The following SLIT2 variants were observed in gnomAD, a reference collection of about 807,000 sequenced individuals.
SLIT2 encodes the protein slit homolog 2 protein.
SLIT2 carries 41 observed loss-of-function variants against 185.7 expected under a neutral mutation model. The ratio of observed to expected loss-of-function variants is 0.22; its 90% confidence interval spans 0.17 to 0.29. SLIT2 has a LOEUF of 0.29. Ranked by LOEUF, SLIT2 falls within the 10% of genes least tolerant of loss-of-function variation. The pLI is 1.00. For synonymous variants in SLIT2, 693 were observed against 680.2 expected (o/e 1.02, Z -0.29); for missense variants, 1,571 against 1,909.0 (o/e 0.82, Z 3.30).
chr4:20,503,336 A>G (rs980498652), intron 9 of SLIT2, among the ~76,000 whole-genome samples: 1 of 152,182 alleles, frequency 6.6e-6, no homozygotes, highest in Non-Finnish European at 1.5e-5. Flanking sequence ...GATACGAAAG[A>G]TGATTTTTGT....
intron 9 of SLIT2, among the ~76,000 whole-genome samples, chr4:20,503,386 A>G (rs1190404968): frequency 3.3e-5 from 5 of 152,172 alleles, no homozygotes; most frequent in African/African-American, 1.2e-4. Context: ...CTGGAGAGTT[A>G]GCTCAGTGTC....
At chr4:20,399,496 G>A (rs1047238154) in intron 4 of SLIT2, among the ~76,000 whole-genome samples, 1 of 151,594 alleles carries the variant, frequency 6.6e-6, no homozygotes, top group Non-Finnish European at 1.5e-5. Context: ...TTTTAATTAC[G>A]TTAATATATG....
intron 4 of SLIT2, among the ~76,000 whole-genome samples, chr4:20,377,893 T>C (rs1193170691): frequency 6.6e-6 from 1 of 152,176 alleles, no homozygotes; most frequent in Non-Finnish European, 1.5e-5. Flanking sequence ...GCATAGTTTG[T>C]ACCATTATTT....
chr4:20,279,632 T>C (rs1351107226), intron 4 of SLIT2, among the ~76,000 whole-genome samples: 1 of 152,206 alleles, frequency 6.6e-6, no homozygotes, highest in Non-Finnish European at 1.5e-5. Flanking sequence ...CCTCAGTTTT[T>C]CCTTGTGTAA....
intron 4 of SLIT2, among the ~76,000 whole-genome samples, chr4:20,385,109 A>T (rs1724830399): frequency 6.6e-6 from 1 of 152,108 alleles, no homozygotes; most frequent in Admixed American, 6.6e-5. Flanking sequence ...AGTCACTGTG[A>T]TATAGAGGAC....
At chr4:20,399,321 G>A (rs1166600622) in intron 4 of SLIT2, among the ~76,000 whole-genome samples, 1 of 151,508 alleles carries the variant, frequency 6.6e-6, no homozygotes, top group Admixed American at 6.6e-5. Flanking sequence ...TACAATAAAA[G>A]TGCCTATACC....
At chr4:20,353,707 A>C (rs1466199536) in intron 4 of SLIT2, among the ~76,000 whole-genome samples, 1 of 152,226 alleles carries the variant, frequency 6.6e-6, no homozygotes, top group African/African-American at 2.4e-5. Flanking sequence ...CCTTAAAAGA[A>C]GAAATGCAGC....
chr4:20,458,349 A>G (rs983597658), intron 4 of SLIT2, among the ~76,000 whole-genome samples: 1 of 152,168 alleles, frequency 6.6e-6, no homozygotes, highest in Non-Finnish European at 1.5e-5. Flanking sequence ...AACTAGATGC[A>G]AATAAACAAA....
At chr4:20,617,296 A>C in intron 35 of SLIT2, 98 bp downstream of exon 35, 1 of 416,684 alleles carries the variant, frequency 2.4e-6, no homozygotes, top group Non-Finnish European at 4.7e-6. Context: ...ACGGGAAGGG[A>C]GGGGAGGGGA....
At chr4:20,314,034 C>G (rs967384776) in intron 4 of SLIT2, among the ~76,000 whole-genome samples, 8 of 152,168 alleles carry the variant, frequency 5.3e-5, no homozygotes, top group African/African-American at 1.4e-4. Context: ...GATTGTTTCT[C>G]AATCCAGGAG....
intron 6 of SLIT2, among the ~76,000 whole-genome samples, chr4:20,485,062 C>A (rs1311026928): frequency 6.6e-6 from 1 of 152,142 alleles, no homozygotes; most frequent in Non-Finnish European, 1.5e-5. Flanking sequence ...TTTCTCCTAC[C>A]TCCTTCAGAG....
intron 4 of SLIT2, among the ~76,000 whole-genome samples, chr4:20,447,454 T>C (rs1442408995): frequency 1.3e-5 from 2 of 152,220 alleles, no homozygotes; most frequent in Admixed American, 6.5e-5. Flanking sequence ...AAAGAGGCCA[T>C]TGTTGAAAGT....
At chr4:20,527,349 G>A (rs1166410399) in intron 15 of SLIT2, among the ~76,000 whole-genome samples, 1 of 151,764 alleles carries the variant, frequency 6.6e-6, no homozygotes, top group Non-Finnish European at 1.5e-5. Context: ...GCAGTGGCAT[G>A]ATCTCGGCTC....
At chr4:20,310,581 T>C (rs1402340763) in intron 4 of SLIT2, among the ~76,000 whole-genome samples, 1 of 152,184 alleles carries the variant, frequency 6.6e-6, no homozygotes, top group Non-Finnish European at 1.5e-5. Context: ...TTGCCTTCTC[T>C]AGATTATTAC....
intron 18 of SLIT2, 36 bp downstream of exon 18, chr4:20,533,751 A>T: frequency 6.3e-7 from 1 of 1,581,214 alleles, no homozygotes; most frequent in Admixed American, 1.8e-5. Flanking sequence ...TTCTTCTACC[A>T]AAGGATTGCA....
chr4:20,611,153 C>A (rs1480833228), intron 34 of SLIT2, among the ~76,000 whole-genome samples: 1 of 152,176 alleles, frequency 6.6e-6, no homozygotes, highest in African/African-American at 2.4e-5. Flanking sequence ...GGTTAGTGTA[C>A]AATTTCATCA....
At chr4:20,611,968 G>A (rs1027101579) in intron 34 of SLIT2, among the ~76,000 whole-genome samples, 5 of 152,128 alleles carry the variant, frequency 3.3e-5, no homozygotes, top group African/African-American at 4.8e-5. Context: ...AAGTGCTGTG[G>A]CCTTTTGTTG....
At chr4:20,293,728 C>T (rs1046293520) in intron 4 of SLIT2, among the ~76,000 whole-genome samples, 1 of 152,046 alleles carries the variant, frequency 6.6e-6, no homozygotes, top group Non-Finnish European at 1.5e-5. Context: ...GATAATACAC[C>T]TCCCATGCTG....
chr4:20,435,314 T>G (rs1047676667), intron 4 of SLIT2, among the ~76,000 whole-genome samples: 4 of 152,330 alleles, frequency 2.6e-5, no homozygotes. Context: ...TCCCCTGCAT[T>G]CAAGGCACTA....
Sources: allele counts gnomAD v4.1 joint callset (sites outside exome capture counted in the v4.1 genomes callset), GRCh38; gene constraint gnomAD v4.1.1; transcripts MANE v1.5; gene names NCBI Gene and HGNC (gene_info 2026-07-23, HGNC 2026-07-21).